TNRC6C: variants seen among roughly 807,000 people sequenced by gnomAD.
TNRC6C encodes trinucleotide repeat-containing gene 6C protein.
In TNRC6C, 20 loss-of-function variants were observed where a neutral mutation model predicts 153.7. The observed-to-expected ratio is 0.13, with a 90% confidence interval of 0.09 to 0.19. The LOEUF (loss-of-function observed/expected upper bound fraction) is 0.19. TNRC6C is among the 10% of genes least tolerant of loss of function. The probability of loss-of-function intolerance (pLI) is 1.00; values close to 1 mark genes in which losing one functional copy is unlikely to be tolerated. For synonymous variants in TNRC6C, 811 were observed against 841.4 expected, an observed-to-expected ratio of 0.96 and a Z score of 0.63; for missense variants, 1,987 against 2,172.0, an observed-to-expected ratio of 0.91 and a Z score of 1.69.
intron 2 of TNRC6C, chr17:78,040,980 A>G (rs1034273365): frequency 6.6e-6 from 1 of 152,070 alleles, no homozygotes; most frequent in Non-Finnish European, 1.5e-5. Context: ...GCTCCCTGGC[A>G]GCTCTACAGG....
Position 77,975,111 on chromosome 17 carries a change from TG to T in TNRC6C, c.-38+15849del, listed in dbSNP as rs34407390. 6.6e-5 allele frequency among the ~76,000 whole-genome samples: 10 copies of T among 152,198 alleles called. No homozygotes were observed. In the East Asian group the frequency reaches 1.7e-3, roughly 26 times the overall value. On this transcript the variant is annotated intron_variant, in intron 1 of 22. Coordinates refer to the TNRC6C transcript ENST00000636222. The stretch of plus-strand genomic sequence containing the variant: ...AAGAAATTTCTTTAAGTCTCATGTA[TG>T]GGGGGAAAAAAATTCTTCCATGCAT...
In TNRC6C at chr17:78,088,715, C is replaced by G. The variant is rs369473110; in HGVS notation, c.3802+1622C>G. Among the ~76,000 whole-genome samples, 40 of 150,022 alleles carry G rather than the reference C, an allele frequency of 2.7e-4. 1 individual carries two copies. The South Asian group carries it at 8.4e-3, about 31-fold the overall frequency. On this transcript the variant is annotated intron_variant, in intron 13 of 19. Coordinates refer to ENST00000301624, the Ensembl canonical transcript of TNRC6C. Reference sequence around the variant, plus strand: ...CCTGGCCTTAAGTGATCCTGCTGGTCTCAGCTTCCCAAAGTGCTGTGATTA... The same window carrying G: ...CCTGGCCTTAAGTGATCCTGCTGGTGTCAGCTTCCCAAAGTGCTGTGATTA...
Position 78,054,668 on chromosome 17 carries a change from GCTACTGGAGA to G in TNRC6C, c.2395+3218_2395+3227del, listed in dbSNP as rs560802530. Among the ~76,000 whole-genome samples, 567 of 142,134 alleles carry G rather than the reference GCTACTGGAGA, an allele frequency of 4.0e-3. 7 individuals carry two copies. Among genetic ancestry groups the G allele is most frequent in the African/African-American group, 0.014 (526 of 37,950 alleles). The allele number at this position is 142,134 out of a possible 152,430, so 93.2% of individuals were successfully genotyped here. A position where few individuals can be genotyped will look rare whatever the true frequency, so the allele number is the denominator to read the frequency against. On this transcript the variant is annotated intron_variant, in intron 3 of 19. Coordinates refer to ENST00000301624, the Ensembl canonical transcript of TNRC6C. ...TGCACACCACTGCAGACTACTGTAC[GCTACTGGAGA>G]CTACTGCAGACTACTGTAGACTACT...
At chr17:77,998,043 T>C (rs2071356800) in intron 1 of TNRC6C, among the ~76,000 whole-genome samples, 2 of 152,220 alleles carry the variant, frequency 1.3e-5, no homozygotes, top group African/African-American at 4.8e-5. Flanking sequence ...CCATTCACTC[T>C]GTGGTGTGTA....
chr17:78,089,210 C>T (rs2073352706), intron 13 of TNRC6C, among the ~76,000 whole-genome samples: 2 of 151,982 alleles, frequency 1.3e-5, no homozygotes, highest in South Asian at 2.1e-4. Context: ...TCAAGTGATC[C>T]GCTCACCTAA....
intron 11 of TNRC6C, among the ~76,000 whole-genome samples, 165 bp from the exon 14 acceptor site, chr17:78,086,338 A>AAAAT (rs2073285629): frequency 8.6e-6 from 1 of 116,404 alleles, no homozygotes; most frequent in African/African-American, 3.7e-5. Context: ...TAAAAAAAAA[A>AAAAT]AAAAAAAAAA....
At chr17:78,098,403 C>T (rs1232779267) in exon 17 of TNRC6C, 1 of 1,613,986 alleles carries the variant, frequency 6.2e-7, no homozygotes, top group East Asian at 2.2e-5. Context: ...ACGCAAGCCT[C>T]TCTGTCTCAT....
chr17:78,090,082 C>T (rs1488881199), intron 13 of TNRC6C, among the ~76,000 whole-genome samples: 1 of 152,204 alleles, frequency 6.6e-6, no homozygotes, highest in Non-Finnish European at 1.5e-5. Context: ...AAGTAGGCAG[C>T]CCTGTGGCAC....
In TNRC6C at chr17:78,083,184, T is replaced by C. The variant is rs1354683460; in HGVS notation, c.3477+18T>C. On this transcript the variant is annotated intron_variant, in intron 11 of 19. Coordinates refer to ENST00000301624, the Ensembl canonical transcript of TNRC6C. ...TGCAGCTGGTGAGTGGATAGACCCA[T>C]GCAAGTTAGAGCACGCAGGCCGAGT... 3.1e-6 allele frequency: 5 copies of C among 1,613,284 alleles called. No homozygotes were observed. The highest frequency in any genetic ancestry group is 3.4e-6 in the Non-Finnish European group (4 of 1,179,850).
intron 1 of TNRC6C, among the ~76,000 whole-genome samples, chr17:77,997,170 A>G (rs2071341593): frequency 1.3e-5 from 2 of 152,194 alleles, no homozygotes; most frequent in South Asian, 4.1e-4. Flanking sequence ...CGGTAACTCC[A>G]TACTGGGCTG....
rs762593967 is a variant in TNRC6C at position 78,068,654 on chromosome 17, C to T, written c.2778+731C>T. 3.8e-4 allele frequency among the ~76,000 whole-genome samples: 58 copies of T among 152,130 alleles called. No homozygotes were observed. In the Middle Eastern group the frequency reaches 0.014, roughly 36 times the overall value. On this transcript the variant is annotated intron_variant, in intron 5 of 19. Coordinates refer to ENST00000301624, the Ensembl canonical transcript of TNRC6C. ...ACTAAAAATACAAAAACTAGCTGGGCGTGGTGGTGGGTGCCTGTAATCCCA... is the reference window on the plus strand; with the variant it reads ...ACTAAAAATACAAAAACTAGCTGGGTGTGGTGGTGGGTGCCTGTAATCCCA...
intron 10 of TNRC6C, among the ~76,000 whole-genome samples, chr17:78,080,199 C>T (rs1041662742): frequency 1.3e-5 from 2 of 152,134 alleles, no homozygotes; most frequent in African/African-American, 4.8e-5. Context: ...GTAATCCCAG[C>T]ACTTTGGGAG....
intron 1 of TNRC6C, among the ~76,000 whole-genome samples, chr17:77,989,298 A>T (rs2071216615): frequency 6.6e-6 from 1 of 152,224 alleles, no homozygotes; most frequent in Non-Finnish European, 1.5e-5. Context: ...TACATCTGTT[A>T]TGACTTCTGA....
At chr17:78,020,069 G>T (rs921616795) in intron 1 of TNRC6C, among the ~76,000 whole-genome samples, 5 of 152,172 alleles carry the variant, frequency 3.3e-5, no homozygotes, top group Non-Finnish European at 7.4e-5. Context: ...AAAATTACTG[G>T]CTTAAGTCAG....
At chr17:78,052,442 C>A (rs1168735798) in intron 3 of TNRC6C, among the ~76,000 whole-genome samples, 3 of 152,152 alleles carry the variant, frequency 2.0e-5, no homozygotes, top group Non-Finnish European at 4.4e-5. Flanking sequence ...ACAGTCAAAA[C>A]CCTGCCATGG....
chr17:78,011,256 C>G (rs2071624319), intron 1 of TNRC6C, among the ~76,000 whole-genome samples: 1 of 152,104 alleles, frequency 6.6e-6, no homozygotes, highest in African/African-American at 2.4e-5. Flanking sequence ...ATATATTCAC[C>G]TGTTAAACCA....
exon 3 of TNRC6C, chr17:78,050,334 A>G: frequency 1.3e-6 from 2 of 1,598,976 alleles, no homozygotes; most frequent in Non-Finnish European, 1.7e-6. Context: ...GGCGAGATAA[A>G]GGGATTATAG....
intron 1 of TNRC6C, among the ~76,000 whole-genome samples, chr17:78,028,916 A>G (rs1395293005): frequency 6.6e-6 from 1 of 152,212 alleles, no homozygotes; most frequent in East Asian, 1.9e-4. Flanking sequence ...CTGACTATTG[A>G]GGCGCCGACT....
chr17:78,070,141 A>T (rs2072964023), intron 5 of TNRC6C, among the ~76,000 whole-genome samples: 2 of 152,372 alleles, frequency 1.3e-5, no homozygotes, highest in South Asian at 4.1e-4. Flanking sequence ...AGAAGTGATT[A>T]CAGACATCAA....
Sources: allele counts gnomAD v4.1 joint callset (sites outside exome capture counted in the v4.1 genomes callset), GRCh38; gene constraint gnomAD v4.1.1; transcripts MANE v1.5; gene names NCBI Gene and HGNC (gene_info 2026-07-23, HGNC 2026-07-21).